ZNF862: variants seen among roughly 807,000 people sequenced by gnomAD.
ZNF862 encodes the protein zinc finger protein 862.
ZNF862 carries 64 observed loss-of-function variants against 91.1 expected under a neutral mutation model. The observed-to-expected ratio is 0.70, with a 90% CI of 0.57 to 0.87. ZNF862 has a LOEUF of 0.87. Ranked by LOEUF, ZNF862 falls within the 40% of genes least tolerant of loss-of-function variation. The probability of loss-of-function intolerance (pLI) is 0.00; values close to 1 mark genes in which losing one functional copy is unlikely to be tolerated. For synonymous variants in ZNF862, 631 were observed against 618.1 expected (o/e 1.02, Z -0.31); for missense variants, 1,459 against 1,528.0 (o/e 0.95, Z 0.75).
Position 149,861,498 on chromosome 7 carries a change from C to T in ZNF862, c.2338C>T (p.Arg780Cys), listed in dbSNP as rs762905758. The T allele has an allele frequency of 5.6e-6, 9 of 1,611,592 alleles. No homozygotes were observed. The highest frequency in any genetic ancestry group is 6.8e-6 in the Non-Finnish European group (8 of 1,179,272). ...GAAPLEQEIIRLKDLNAVRWV... is the reference protein window; with the variant it reads ...GAAPLEQEIICLKDLNAVRWV... ...GGCGCCTCTGGAGCAGGAGATCATC[C>T]GCCTGAAGGATCTGAATGCGGTCCG... Residue 780 changes from arginine (R) to cysteine (C), a missense_variant, in exon 7 of 8, where the codon CGC becomes TGC. Coordinates refer to ENST00000223210, the MANE Select transcript of ZNF862 (RefSeq NM_001099220.3). This position sits in a 1 kb window ranked among gnomAD's most constrained non-coding sequence, Gnocchi z 6.7.
At chr7:149,846,065 G>C in intron 2 of ZNF862, 86 bp from the exon 3 acceptor site, 1 of 939,328 alleles carries the variant, frequency 1.1e-6, no homozygotes, top group South Asian at 1.5e-5. Context: ...GTCGCAGACA[G>C]ATACCTCCTT....
intron 1 of ZNF862, 125 bp downstream of exon 1, chr7:149,838,760 C>A (rs968299916): frequency 6.5e-5 from 39 of 598,102 alleles, no homozygotes; most frequent in Non-Finnish European, 9.3e-5. Context: ...AAGGACTCGC[C>A]GGCCCGCCCT....
chr7:149,852,911 G>C (rs1802115985), intron 5 of ZNF862, among the ~76,000 whole-genome samples: 1 of 152,174 alleles, frequency 6.6e-6, no homozygotes, highest in South Asian at 2.1e-4. Context: ...TTACAGAGCT[G>C]GGGGAAGGCG....
At chr7:149,845,287 C>G (rs921965805) in intron 2 of ZNF862, among the ~76,000 whole-genome samples, 6 of 152,188 alleles carry the variant, frequency 3.9e-5, no homozygotes, top group Non-Finnish European at 2.9e-5. Context: ...TCCTTTGATT[C>G]TTTGGGTAGA....
rs375023477 is a variant in ZNF862, at chr7:149,861,381, G to A, written c.2221G>A (p.Asp741Asn). 665 of 1,613,064 alleles carry A rather than the reference G, an allele frequency of 4.1e-4. 5 individuals carry two copies. In the South Asian group the frequency reaches 6.1e-3, roughly 15 times the overall value. Reference protein sequence around the residue: ...LAVVDACGSIDLVKKCDRHIR... With the variant: ...LAVVDACGSINLVKKCDRHIR... ...TGTGGTGGACGCCTGCGGGAGCATC[G>A]ATCTGGTGAAGAAGTGTGACCGGCA... is the stretch of plus-strand genomic sequence containing the variant. The change falls in exon 7 of 8, where the codon GAT becomes AAT. Residue 741 changes from aspartate to asparagine, a missense_variant. Physicochemically the swap from Asp to Asn is conservative, Grantham distance 23 (BLOSUM62 1). Transcript: ENST00000223210. The surrounding 1 kb of genome is among the most constrained non-coding windows in gnomAD (Gnocchi z 6.7).
In ZNF862 at chr7:149,860,468, G is replaced by C. The variant is rs1802426797; in HGVS notation, c.1308G>C (p.Glu436Asp). 6.2e-7 allele frequency: 1 copy of C among 1,613,870 alleles called. No individual in the cohort carries two copies. The highest frequency in any genetic ancestry group is 8.5e-7 in the Non-Finnish European group (1 of 1,179,900). ...CGTTGCTTCCAGGCTCTCCCGTGGA[G>C]GCCCGTGCCTCCTGCTGCAGTTCCA... ...DSALLPGSPVEARASCCSSSI... is the reference protein window; with the variant it reads ...DSALLPGSPVDARASCCSSSI... The change falls in exon 7 of 8, where the codon GAG becomes GAC. Residue 436 changes from glutamate (E) to aspartate (D), a missense_variant. Coordinates refer to ENST00000223210, the MANE Select transcript of ZNF862 (RefSeq NM_001099220.3).
intron 3 of ZNF862, 53 bp downstream of exon 3, chr7:149,846,308 G>T (rs1801870743): frequency 8.6e-6 from 12 of 1,395,856 alleles, no homozygotes; most frequent in Non-Finnish European, 1.2e-5. Context: ...AGGGAGCATG[G>T]GCAGCCCCAG....
chr7:149,860,147 G>A (rs943003956), intron 6 of ZNF862: 1 of 544,896 alleles, frequency 1.8e-6, no homozygotes. Context: ...GGGTGGTTGG[G>A]GCGCTGGTGA....
In ZNF862 at chr7:149,857,148, G is replaced by A. The variant is rs986516899; in HGVS notation, c.1118-2274G>A. Among the ~76,000 whole-genome samples, 13 of 152,022 alleles carry A rather than the reference G, an allele frequency of 8.6e-5. No homozygotes were observed. In the East Asian group the frequency reaches 2.3e-3, roughly 27 times the overall value. On this transcript the variant is annotated intron_variant, in intron 5 of 7. Coordinates refer to ENST00000223210, the MANE Select transcript of ZNF862 (RefSeq NM_001099220.3). The stretch of plus-strand genomic sequence containing the variant: ...TTTAATCTTTTTTTTTGGGTATCTG[G>A]TGTTTCCCTTCCATGTGGAAACTGG...
Position 149,844,682 on chromosome 7 carries a change from C to T in ZNF862, c.82C>T (p.Leu28=). ...VYLLQEEWVL[L]SQQQKELCGS... is the part of the protein sequence containing the mutation. Reference sequence around the variant, plus strand: ...CTTACTCCAGGAGGAATGGGTGCTGCTGAGCCAGCAACAGAAGGAGCTCTG... The same window carrying T: ...CTTACTCCAGGAGGAATGGGTGCTGTTGAGCCAGCAACAGAAGGAGCTCTG... The change falls in exon 2 of 8, where the codon CTG becomes TTG. Residue 28 remains leucine (L), a synonymous_variant. Coordinates refer to ENST00000223210, the MANE Select transcript of ZNF862 (RefSeq NM_001099220.3). 1 of 1,605,404 alleles carries T rather than the reference C, an allele frequency of 6.2e-7. No individual in the cohort carries two copies. Among genetic ancestry groups the T allele is most frequent in the South Asian group, 1.1e-5 (1 of 88,982 alleles).
rs200663618 is a variant in ZNF862, at chr7:149,859,464, G to A, written c.1160G>A (p.Arg387Gln). The change falls in exon 6 of 8, where the codon CGG becomes CAG. Residue 387 changes from arginine (R) to glutamine (Q), a missense_variant. By Grantham distance (43) the Arg-to-Gln change is conservative. Coordinates refer to ENST00000223210, the MANE Select transcript of ZNF862 (RefSeq NM_001099220.3). ...AKPDLISKLE[R>Q]RAAPWIKDPN... Reference sequence around the variant, plus strand: ...CCAGACTTGATCTCCAAACTGGAGCGGAGGGCTGCACCCTGGATCAAGGAC... The same window carrying A: ...CCAGACTTGATCTCCAAACTGGAGCAGAGGGCTGCACCCTGGATCAAGGAC... 472 of 1,588,838 alleles carry A rather than the reference G, an allele frequency of 3.0e-4. No homozygotes were observed. The highest frequency in any genetic ancestry group is 3.8e-4 in the Non-Finnish European group (444 of 1,167,000).
Position 149,847,823 on chromosome 7 carries a change from C to T in ZNF862, c.330C>T (p.Ala110=), listed in dbSNP as rs751568463. Residue 110 remains alanine, a synonymous_variant, in exon 4 of 8, where the codon GCC becomes GCT. Coordinates refer to ENST00000223210, the MANE Select transcript of ZNF862 (RefSeq NM_001099220.3). ...SGQSLPPQKK[A]YLSHLSTGSG... ...AGTCCCTCCCGCCTCAGAAGAAAGC[C>T]TACCTTTCCCACCTCAGTACAGGCA... 3.1e-6 allele frequency: 5 copies of T among 1,613,722 alleles called. No individual in the cohort carries two copies. The highest frequency in any genetic ancestry group is 2.2e-5 in the East Asian group (1 of 44,880).
At chr7:149,860,342 T>C in intron 6 of ZNF862, 41 bp from the exon 7 acceptor site, 1 of 1,564,200 alleles carries the variant, frequency 6.4e-7, no homozygotes, top group Non-Finnish European at 8.7e-7. Context: ...ATGGCAGAGT[T>C]CTGGGTAGCA....
chr7:149,854,880 G>A (rs1802204781), intron 5 of ZNF862, among the ~76,000 whole-genome samples: 1 of 152,216 alleles, frequency 6.6e-6, no homozygotes, highest in South Asian at 2.1e-4. Flanking sequence ...AGCTTTTAAA[G>A]AGCTGTGTAA....
chr7:149,856,113 C>A (rs1395135910), intron 5 of ZNF862: 1 of 152,246 alleles, frequency 6.6e-6, no homozygotes, highest in Non-Finnish European at 1.5e-5. Flanking sequence ...TGGCCCTCAG[C>A]CATTCTCTTT....
At chr7:149,856,319 C>T (rs1045858577) in intron 5 of ZNF862, 1 of 152,222 alleles carries the variant, frequency 6.6e-6, no homozygotes, top group African/African-American at 2.4e-5. Flanking sequence ...CCTGTTACAT[C>T]ACCTGGGCCC....
chr7:149,846,746 C>T (rs1226668965), intron 3 of ZNF862, among the ~76,000 whole-genome samples: 5 of 152,180 alleles, frequency 3.3e-5, no homozygotes, highest in Non-Finnish European at 1.5e-5. Flanking sequence ...TTAACCCAGC[C>T]CCTACTGTGG....
intron 3 of ZNF862, 133 bp from the exon 4 acceptor site, chr7:149,847,592 GGTGTGTGTGT>G (rs10569456): frequency 0.33 from 177,223 of 531,084 alleles, 13,771 homozygotes; most frequent in East Asian, 0.36. Context: ...AGAAAATTCA[GGTGTGTGTGT>G]GTGTGTGTGT....
intron 5 of ZNF862, among the ~76,000 whole-genome samples, chr7:149,858,085 T>C (rs996619810): frequency 6.6e-6 from 1 of 152,154 alleles, no homozygotes; most frequent in Non-Finnish European, 1.5e-5. Flanking sequence ...CTCTGTCAGA[T>C]TTGAGCCAGT....
Sources: gnomAD v4.1 joint callset for allele counts (sites outside exome capture counted in the v4.1 genomes callset) on GRCh38, gnomAD v4.1.1 for gene constraint, Gnocchi (gnomAD v3.1) non-coding constraint, MANE v1.5 for transcripts, NCBI Gene and HGNC (gene_info 2026-07-23, HGNC 2026-07-21) for gene names.